PPP3CA: variants seen among roughly 807,000 people sequenced by gnomAD.
PPP3CA encodes the protein CAM-PRP catalytic subunit.
A neutral mutation model predicts 66.5 loss-of-function variants in PPP3CA; 14 were observed. The ratio of observed to expected loss-of-function variants is 0.21; its 90% CI spans 0.14 to 0.33. The LOEUF (loss-of-function observed/expected upper bound fraction) is 0.33, where lower values mean the gene tolerates loss of function less well. Ranked by LOEUF, PPP3CA falls within the 10% of genes least tolerant of loss-of-function variation. The pLI is 1.00. For missense variants in PPP3CA, 317 were observed against 639.5 expected, an observed-to-expected ratio of 0.50 and a Z score of 5.44; for synonymous variants, 232 against 226.2, an observed-to-expected ratio of 1.03 and a Z score of -0.23.
chr4:101,135,870 T>C (rs934128787), intron 2 of PPP3CA, among the ~76,000 whole-genome samples: 2 of 152,180 alleles, frequency 1.3e-5, no homozygotes, highest in African/African-American at 4.8e-5. Context: ...CATGGCAACT[T>C]ACTTTGGGTA....
intron 2 of PPP3CA, among the ~76,000 whole-genome samples, chr4:101,155,575 G>C (rs777866103): frequency 2.0e-5 from 3 of 152,182 alleles, no homozygotes; most frequent in Non-Finnish European, 2.9e-5. Context: ...AGCCAGGAGA[G>C]ACAGTTCCTT....
intron 1 of PPP3CA, among the ~76,000 whole-genome samples, chr4:101,257,389 G>A (rs1726879126): frequency 6.7e-6 from 1 of 149,210 alleles, no homozygotes; most frequent in Non-Finnish European, 1.5e-5. Flanking sequence ...CATATTATAA[G>A]CCATTTTATT....
chr4:101,063,104 C>T, intron 9 of PPP3CA, 128 bp downstream of exon 9: 2 of 1,202,190 alleles, frequency 1.7e-6, no homozygotes, highest in Non-Finnish European at 2.3e-6. Flanking sequence ...TTCCAAATCA[C>T]ATCTTTCATT....
At chr4:101,164,507 A>G (rs1026831536) in intron 2 of PPP3CA, among the ~76,000 whole-genome samples, 1 of 151,204 alleles carries the variant, frequency 6.6e-6, no homozygotes, top group Non-Finnish European at 1.5e-5. Context: ...CTTGTCCCCT[A>G]TAAGGTCCTA....
intron 1 of PPP3CA, among the ~76,000 whole-genome samples, chr4:101,305,597 T>G (rs1215200850): frequency 6.6e-6 from 1 of 152,156 alleles, no homozygotes; most frequent in Non-Finnish European, 1.5e-5. Context: ...TCTTTCAGAG[T>G]ACAAATATGG....
intron 1 of PPP3CA, among the ~76,000 whole-genome samples, chr4:101,244,622 CACAA>C (rs1314969781): frequency 2.0e-5 from 3 of 152,194 alleles, no homozygotes; most frequent in African/African-American, 7.2e-5. Context: ...ACAGCTCAGA[CACAA>C]ACACACTAAA....
chr4:101,330,722 C>T (rs1729358230), intron 1 of PPP3CA, among the ~76,000 whole-genome samples: 1 of 151,990 alleles, frequency 6.6e-6, no homozygotes, highest in Non-Finnish European at 1.5e-5. Flanking sequence ...CTAAAATATG[C>T]CTGTATAAAA....
At chr4:101,307,812 T>C (rs775340269) in intron 1 of PPP3CA, among the ~76,000 whole-genome samples, 15 of 152,254 alleles carry the variant, frequency 9.9e-5, no homozygotes, top group African/African-American at 2.9e-4. Context: ...ACCAAGGAGG[T>C]TATACTGAAG....
intron 2 of PPP3CA, among the ~76,000 whole-genome samples, chr4:101,135,289 C>T (rs1451109828): frequency 2.6e-5 from 4 of 151,450 alleles, no homozygotes; most frequent in South Asian, 2.1e-4. Flanking sequence ...GGGTCCATAA[C>T]GATCACCTGA....
chr4:101,240,531 T>TG (rs1225470980), intron 1 of PPP3CA, among the ~76,000 whole-genome samples: 4 of 152,058 alleles, frequency 2.6e-5, no homozygotes, highest in Non-Finnish European at 5.9e-5. Context: ...ATAACCAGGT[T>TG]GGTCTTGGAA....
At chr4:101,259,928 G>C (rs548417531) in intron 1 of PPP3CA, among the ~76,000 whole-genome samples, 37 of 152,222 alleles carry the variant, frequency 2.4e-4, no homozygotes, top group Admixed American at 2.0e-3. Flanking sequence ...TTTAAATAAA[G>C]TGCTAAGAGC....
intron 1 of PPP3CA, among the ~76,000 whole-genome samples, chr4:101,345,442 C>CA (rs1729951415): frequency 6.6e-6 from 1 of 152,146 alleles, no homozygotes; most frequent in African/African-American, 2.4e-5. Flanking sequence ...ATGCTCTGGC[C>CA]ACATTAGATA....
chr4:101,078,878 A>T (rs1729302470), intron 8 of PPP3CA, among the ~76,000 whole-genome samples: 1 of 152,156 alleles, frequency 6.6e-6, no homozygotes, highest in Non-Finnish European at 1.5e-5. Flanking sequence ...AGCAGAGAAC[A>T]TGTTTTATTT....
At chr4:101,237,739 TG>T (rs1037078909) in intron 1 of PPP3CA, among the ~76,000 whole-genome samples, 1 of 152,040 alleles carries the variant, frequency 6.6e-6, no homozygotes, top group South Asian at 2.1e-4. Flanking sequence ...GTCTGATACT[TG>T]GGGGGCAACT....
At chr4:101,148,343 C>T (rs1226255790) in intron 2 of PPP3CA, among the ~76,000 whole-genome samples, 1 of 151,988 alleles carries the variant, frequency 6.6e-6, no homozygotes, top group African/African-American at 2.4e-5. Flanking sequence ...TTTCTAGTTT[C>T]TCAATATCAC....
intron 1 of PPP3CA, among the ~76,000 whole-genome samples, chr4:101,235,756 T>C (rs1329499079): frequency 6.6e-6 from 1 of 151,892 alleles, no homozygotes; most frequent in African/African-American, 2.4e-5. Context: ...ACTTCATGTG[T>C]AGCTTCCCTC....
chr4:101,102,782 G>A (rs1475865358), intron 3 of PPP3CA, among the ~76,000 whole-genome samples: 3 of 152,130 alleles, frequency 2.0e-5, no homozygotes, highest in African/African-American at 4.8e-5. Flanking sequence ...TGTCTATGTG[G>A]TATCAGATGG....
At chr4:101,292,522 C>T (rs543965127) in intron 1 of PPP3CA, among the ~76,000 whole-genome samples, 47 of 152,178 alleles carry the variant, frequency 3.1e-4, no homozygotes, top group Non-Finnish European at 1.2e-4. Context: ...TTCACTAACA[C>T]GAGTCCTCTT....
chr4:101,255,324 C>T (rs2028475), intron 1 of PPP3CA, among the ~76,000 whole-genome samples: 29,373 of 151,694 alleles, frequency 0.19, 3,510 homozygotes, highest in East Asian at 0.51. Flanking sequence ...GAAAGAGATA[C>T]GCTACTGTTG....
Sources: allele counts gnomAD v4.1 joint callset (sites outside exome capture counted in the v4.1 genomes callset), GRCh38; gene constraint gnomAD v4.1.1; transcripts MANE v1.5; gene names NCBI Gene and HGNC (gene_info 2026-07-23, HGNC 2026-07-21).